Variants in CYRIA observed in about 807,000 individuals in gnomAD.
CYRIA encodes the protein CYFIP-related Rac1 interactor A.
A neutral mutation model predicts 43.9 loss-of-function variants in CYRIA; 15 were observed. That is an observed-to-expected ratio of 0.34 (90% CI 0.23 to 0.53). CYRIA has a LOEUF of 0.53. CYRIA is among the 20% of genes least tolerant of loss of function. The pLI, the probability that CYRIA is intolerant of heterozygous loss-of-function variation, is 0.94. For missense variants in CYRIA, 236 were observed against 394.2 expected (o/e 0.60, Z 3.40); for synonymous variants, 117 against 136.0 (o/e 0.86, Z 0.97).
rs73215504 is a variant in CYRIA at position 16,650,012 on chromosome 2, T to C, written c.-167+15768A>G. Among the ~76,000 whole-genome samples, 1,345 of 152,310 alleles carry C rather than the reference T, an allele frequency of 8.8e-3. 24 individuals are homozygous for C. The highest frequency in any genetic ancestry group is 0.031 in the African/African-American group (1,287 of 41,546). On this transcript the variant is annotated intron_variant, in intron 1 of 11. Transcript: ENST00000381323. The surrounding 1 kb of genome is among the most constrained non-coding windows in gnomAD (Gnocchi z 4.1). ...CCACCTTGCTCGATCGCTTCTGTCA[T>C]GAGCATGACACATTCCAAGAAGCAC...
chr2:16,575,945 T>G (rs1667330519), intron 3 of CYRIA, among the ~76,000 whole-genome samples: 1 of 152,188 alleles, frequency 6.6e-6, no homozygotes, highest in Non-Finnish European at 1.5e-5. Flanking sequence ...TCTCTTTGCC[T>G]GCTGCCATCC....
At chr2:16,633,529 G>T (rs1035311474) in intron 1 of CYRIA, among the ~76,000 whole-genome samples, 1 of 144,142 alleles carries the variant, frequency 6.9e-6, no homozygotes, top group Non-Finnish European at 1.5e-5. Context: ...ACAAGTGCAG[G>T]TCACTATCCC....
At chr2:16,631,904 T>C (rs1217619888) in intron 1 of CYRIA, among the ~76,000 whole-genome samples, 3 of 152,198 alleles carry the variant, frequency 2.0e-5, no homozygotes, top group Non-Finnish European at 4.4e-5. Context: ...CCAGCAATCC[T>C]GGTATGCTCT....
At chr2:16,655,774 CT>C (rs1006372020) in intron 1 of CYRIA, among the ~76,000 whole-genome samples, 16 of 149,598 alleles carry the variant, frequency 1.1e-4, no homozygotes, top group East Asian at 3.9e-4. Flanking sequence ...CATTCTTGGT[CT>C]TTTTTTTTTA....
chr2:16,561,582 G>T (rs757764475), intron 6 of CYRIA, 49 bp from the exon 7 acceptor site: 10 of 1,399,326 alleles, frequency 7.1e-6, no homozygotes, highest in Admixed American at 6.7e-5. Flanking sequence ...TATCAGATGG[G>T]GTATATGCAT....
At chr2:16,568,533 G>A (rs1331970236) in intron 3 of CYRIA, among the ~76,000 whole-genome samples, 1 of 152,076 alleles carries the variant, frequency 6.6e-6, no homozygotes, top group East Asian at 1.9e-4. Context: ...TCCAGGGTAA[G>A]CCTGGCAGTT....
In CYRIA at chr2:16,551,699, A is replaced by G. The variant is rs1403042915; in HGVS notation, c.*1237T>C. ...AAATGCTTGCTGGATACTACGTACTAAGGAAGAAGGGCGGAGTCAGTCATT... is the reference window on the plus strand; with the variant it reads ...AAATGCTTGCTGGATACTACGTACTGAGGAAGAAGGGCGGAGTCAGTCATT... On this transcript the variant is annotated 3_prime_UTR_variant, in exon 12 of 12. Coordinates refer to ENST00000381323, the MANE Select transcript of CYRIA (RefSeq NM_030797.4). The G allele has an allele frequency of 3.3e-5, 5 of 152,188 alleles. No homozygotes were observed. The East Asian group carries it at 9.6e-4, about 29-fold the overall frequency. 9.4% of individuals were successfully genotyped at this position (152,188 alleles called of 1,614,324 possible).
intron 10 of CYRIA, among the ~76,000 whole-genome samples, chr2:16,558,282 A>T (rs1558400278): frequency 6.6e-6 from 1 of 152,306 alleles, no homozygotes; most frequent in East Asian, 1.9e-4. Context: ...AGAGTCTATG[A>T]AGAAACATGA....
chr2:16,604,469 T>C (rs1445222462), intron 2 of CYRIA, among the ~76,000 whole-genome samples: 1 of 152,194 alleles, frequency 6.6e-6, no homozygotes, highest in Non-Finnish European at 1.5e-5. Context: ...ACATGTCTAG[T>C]ATTCAGATGA....
rs1666227945 is a variant in CYRIA, at chr2:16,549,743, G to A, written c.*3193C>T. The stretch of plus-strand genomic sequence containing the variant: ...GAATGAGAAGTCTCTGAATTCTACT[G>A]CACAATTGGATCCTAAGATTGGGAG... On this transcript the variant is annotated 3_prime_UTR_variant, in exon 12 of 12. Coordinates refer to ENST00000381323, the MANE Select transcript of CYRIA (RefSeq NM_030797.4). The A allele has an allele frequency of 6.6e-6, 1 of 152,088 alleles. No homozygotes were observed. Among genetic ancestry groups the A allele is most frequent in the African/African-American group, 2.4e-5 (1 of 41,434 alleles). The allele number at this position is 152,088 out of a possible 1,614,324, so 9.4% of individuals were successfully genotyped here. A position where few individuals can be genotyped will look rare whatever the true frequency, so the allele number is the denominator to read the frequency against.
At chr2:16,585,618 G>T (rs1195018140) in intron 3 of CYRIA, among the ~76,000 whole-genome samples, 2 of 152,094 alleles carry the variant, frequency 1.3e-5, no homozygotes, top group East Asian at 3.9e-4. Flanking sequence ...TCCCCTTGAG[G>T]AAATTAAATT....
chr2:16,563,745 C>A (rs532085123), intron 5 of CYRIA, among the ~76,000 whole-genome samples: 2 of 152,246 alleles, frequency 1.3e-5, no homozygotes, highest in Admixed American at 6.5e-5. Context: ...CAGATGAGAA[C>A]AGGACCAAGA....
chr2:16,564,015 C>G lies in CYRIA; in HGVS notation c.272G>C (p.Arg91Thr). 1 of 1,613,282 alleles carries G rather than the reference C, an allele frequency of 6.2e-7. No individual in the cohort carries two copies. Among genetic ancestry groups the G allele is most frequent in the Non-Finnish European group, 8.5e-7 (1 of 1,179,564 alleles). The change falls in exon 5 of 12, where the codon AGA becomes ACA. Residue 91 changes from arginine (R) to threonine (T), a missense_variant. Physicochemically the swap from Arg to Thr is moderately conservative, Grantham distance 71. Around this residue, in one of 3 missense-constraint regions of CYRIA, gnomAD observed 193 missense variants for 303.9 expected, o/e 0.64. Coordinates refer to ENST00000381323, the MANE Select transcript of CYRIA (RefSeq NM_030797.4). ...AVCPLVVRLK[R>T]FYEFSIRLEK... is the part of the protein sequence containing the mutation. ...TAGTCTAATGGAAAACTCGTAAAAT[C>G]TCTTTAGCCTCACAACAAGAGGGCA...
rs561334462 is a variant in CYRIA at position 16,618,759 on chromosome 2, C to A, written c.-11+5105G>T. 7.9e-5 allele frequency among the ~76,000 whole-genome samples: 12 copies of A among 152,322 alleles called. No homozygotes were observed. In the South Asian group the frequency reaches 2.5e-3, roughly 32 times the overall value. Reference sequence around the variant, plus strand: ...GCTTCCTTATAAGGTGGTGAGTTCACCATCCCTGAAAGCATGTGAGCGGAC... The same window carrying A: ...GCTTCCTTATAAGGTGGTGAGTTCAACATCCCTGAAAGCATGTGAGCGGAC... On this transcript the variant is annotated intron_variant, in intron 2 of 11. Coordinates refer to ENST00000381323, the MANE Select transcript of CYRIA (RefSeq NM_030797.4).
chr2:16,648,327 C>CAAAAAAAAAAAAAA (rs59091239), intron 1 of CYRIA, among the ~76,000 whole-genome samples: 1 of 122,196 alleles, frequency 8.2e-6, no homozygotes, highest in Non-Finnish European at 1.8e-5. Flanking sequence ...ATGACAACAG[C>CAAAAAAAAAAAAAA]AAAAAAAAAA....
intron 2 of CYRIA, among the ~76,000 whole-genome samples, chr2:16,603,438 T>C (rs1668275990): frequency 6.6e-6 from 1 of 152,228 alleles, no homozygotes; most frequent in Admixed American, 6.5e-5. Context: ...TCAGGGTCAC[T>C]GGAATCCCCT....
intron 1 of CYRIA, among the ~76,000 whole-genome samples, chr2:16,655,165 G>A (rs1336582263): frequency 6.6e-6 from 1 of 152,210 alleles, no homozygotes; most frequent in Admixed American, 6.5e-5. Flanking sequence ...TGATGAAAGA[G>A]GAAACCCCAA....
intron 9 of CYRIA, among the ~76,000 whole-genome samples, chr2:16,559,874 A>G (rs1340098695): frequency 6.6e-6 from 1 of 152,036 alleles, no homozygotes; most frequent in Non-Finnish European, 1.5e-5. Flanking sequence ...CCACCTATCA[A>G]TCTTGAATAT....
Position 16,561,284 on chromosome 2 carries a change from A to G in CYRIA, c.514-7T>C, listed in dbSNP as rs1304314342. On this transcript the variant is annotated splice_polypyrimidine_tract_variant and splice_region_variant and intron_variant, in intron 7 of 11. Coordinates refer to ENST00000381323, the MANE Select transcript of CYRIA (RefSeq NM_030797.4). ...CTTCATTCTCAATGTCTAGCTGATG[A>G]AAATAAGAAGAGAAGATGGATTTAT... 1 of 1,594,300 alleles carries G rather than the reference A, an allele frequency of 6.3e-7. No individual in the cohort carries two copies. The highest frequency in any genetic ancestry group is 1.7e-4 in the Middle Eastern group (1 of 6,018).
Sources: gnomAD v4.1 joint callset for allele counts (sites outside exome capture counted in the v4.1 genomes callset) on GRCh38, gnomAD v4.1.1 for gene constraint, gnomAD v4.1.1 regional missense constraint, Gnocchi (gnomAD v3.1) non-coding constraint, MANE v1.5 for transcripts, NCBI Gene and HGNC (gene_info 2026-07-23, HGNC 2026-07-21) for gene names.